Variants in ATP2B3 observed in about 807,000 individuals in gnomAD.
ATP2B3 encodes the protein ATPase plasma membrane Ca2+ transporting 3.
Under a neutral mutation model 70.8 loss-of-function variants are expected in ATP2B3, and 12 were observed. The ratio of observed to expected loss-of-function variants is 0.17; its 90% CI spans 0.11 to 0.27. ATP2B3 has a LOEUF of 0.27. ATP2B3 is among the 10% of genes least tolerant of loss of function. ATP2B3 has a pLI of 1.00. For missense variants in ATP2B3, 858 were observed against 1,118.5 expected (o/e 0.77, Z 3.32); for synonymous variants, 460 against 497.8 (o/e 0.92, Z 1.01).
intron 3 of ATP2B3, among the ~76,000 whole-genome samples, chrX:153,537,200 C>T (rs1050553329): frequency 1.8e-5 from 2 of 113,557 alleles, no homozygotes; most frequent in Admixed American, 9.2e-5. Flanking sequence ...CTGGTTGCTG[C>T]GGTCTGCCAT....
At chrX:153,542,299 G>A in intron 5 of ATP2B3, 24 bp from the exon 6 acceptor site, 1 of 1,210,170 alleles carries the variant, frequency 8.3e-7, no homozygotes, top group Non-Finnish European at 1.1e-6. Flanking sequence ...TGGGGAGAAA[G>A]GCCTCTGCTT....
At chrX:153,530,586 G>A (rs1394229082) in intron 2 of ATP2B3, among the ~76,000 whole-genome samples, 1 of 112,464 alleles carries the variant, frequency 8.9e-6, no homozygotes, top group Admixed American at 9.3e-5. Flanking sequence ...CCGGACAGGC[G>A]GTTGCTTTGG....
Position 153,548,609 on chromosome X carries a change from C to T in ATP2B3, c.1124-31C>T, listed in dbSNP as rs369313658. 1.3e-5 allele frequency: 15 copies of T among 1,175,256 alleles called. No individual in the cohort carries two copies. The African/African-American group carries it at 2.7e-4, about 21-fold the overall frequency. On this transcript the variant is annotated intron_variant, in intron 9 of 21. Transcript: ENST00000263519. ...CCCCTCCTTCCCTCACCCGTGGCAA[C>T]CCCTTTCGTCTCCTCCCCGCTCTGT... is the stretch of plus-strand genomic sequence containing the variant.
rs957213126 is a variant in ATP2B3, at chrX:153,537,235, G to A, written c.208+780G>A. ...TGAAGCGGGGACCCCCAGGAGCCAG[G>A]CCCAGCCCCAGATTCCAGGAGCCAC... On this transcript the variant is annotated intron_variant, in intron 3 of 21. Coordinates refer to ENST00000263519, the MANE Select transcript of ATP2B3 (RefSeq NM_001001344.3). Among the ~76,000 whole-genome samples the A allele has an allele frequency of 2.6e-5, 3 of 113,473 alleles. No individual in the cohort carries two copies. In the Admixed American group the frequency reaches 2.8e-4, roughly 10 times the overall value.
At chrX:153,552,329 G>T (rs1204590128) in intron 12 of ATP2B3, among the ~76,000 whole-genome samples, 5 of 112,145 alleles carry the variant, frequency 4.5e-5, no homozygotes, top group African/African-American at 1.6e-4. Flanking sequence ...CACAGCTTCT[G>T]TTATGATCAT....
At chrX:153,560,033 C>A in intron 18 of ATP2B3, 91 bp downstream of exon 18, 1 of 926,852 alleles carries the variant, frequency 1.1e-6, no homozygotes, top group Non-Finnish European at 1.5e-6. Flanking sequence ...CCACCTGTGT[C>A]TCCGCACCCA....
chrX:153,561,565 G>A (rs782493305), intron 19 of ATP2B3, among the ~76,000 whole-genome samples: 1 of 111,437 alleles, frequency 9.0e-6, no homozygotes, highest in African/African-American at 3.3e-5. Context: ...GTTCCCTCGG[G>A]GAGGAGCAGG....
At chrX:153,564,718 C>T (rs896396411) in intron 20 of ATP2B3, among the ~76,000 whole-genome samples, 8 of 113,436 alleles carry the variant, frequency 7.1e-5, no homozygotes, top group African/African-American at 2.2e-4. Flanking sequence ...CATCTCAGCC[C>T]CCCGGGGGAA....
At chrX:153,561,330 T>A (rs1191524977) in intron 19 of ATP2B3, among the ~76,000 whole-genome samples, 2 of 112,417 alleles carry the variant, frequency 1.8e-5, no homozygotes, top group African/African-American at 6.5e-5. Flanking sequence ...GACAGGCTGG[T>A]CAGCCCCACT....
intron 3 of ATP2B3, among the ~76,000 whole-genome samples, chrX:153,540,112 C>A (rs1346721339): frequency 8.9e-6 from 1 of 112,122 alleles, no homozygotes; most frequent in Non-Finnish European, 1.9e-5. Flanking sequence ...CTGTGCTCAC[C>A]GGGTCCTGTC....
chrX:153,540,044 G>A (rs1397241490), intron 3 of ATP2B3, among the ~76,000 whole-genome samples: 1 of 112,656 alleles, frequency 8.9e-6, no homozygotes, highest in African/African-American at 3.2e-5. Context: ...CCCTGGCTGA[G>A]GGATCAAAGT....
chrX:153,541,235 C>T lies in ATP2B3; in HGVS notation c.209-124C>T, dbSNP rs187059161. On this transcript the variant is annotated intron_variant, in intron 3 of 21. Transcript: ENST00000263519. ...GAGGGAGAGCCAGGCGCTGGCCAGA[C>T]GGCCCCAGAGGGCTGCTGCCACCCC... is the stretch of plus-strand genomic sequence containing the variant. The T allele has an allele frequency of 7.7e-4, 639 of 834,610 alleles. 3 individuals carry two copies. The African/African-American group carries it at 0.011, about 14-fold the overall frequency. 68.8% of individuals were successfully genotyped at this position (834,610 alleles called of 1,213,427 possible).
intron 20 of ATP2B3, among the ~76,000 whole-genome samples, chrX:153,564,137 A>G (rs1177021382): frequency 1.8e-5 from 2 of 112,176 alleles, no homozygotes; most frequent in African/African-American, 3.2e-5. Flanking sequence ...CTAGCCCCCA[A>G]TGCACAGGTC....
chrX:153,534,227 G>A (rs782468860), intron 2 of ATP2B3, among the ~76,000 whole-genome samples: 4 of 111,827 alleles, frequency 3.6e-5, no homozygotes, highest in Non-Finnish European at 5.7e-5. Flanking sequence ...AAGACGAGGA[G>A]TCCAGGTGAG....
chrX:153,524,680 C>A (rs2090005551), intron 2 of ATP2B3, among the ~76,000 whole-genome samples: 1 of 111,628 alleles, frequency 9.0e-6, no homozygotes, highest in Admixed American at 9.5e-5. Context: ...TGCAGTCAGA[C>A]CTGGTGCTGG....
At chrX:153,558,371 G>A in intron 17 of ATP2B3, 68 bp downstream of exon 17, 1 of 1,011,243 alleles carries the variant, frequency 9.9e-7, no homozygotes, top group East Asian at 3.2e-5. Context: ...CAGATTGTGA[G>A]AGTGAGGGTT....
rs1194878317 is a variant in ATP2B3 at position 153,541,450 on chromosome X, G to C, written c.300G>C (p.Gln100His). 1.7e-6 allele frequency: 2 copies of C among 1,210,483 alleles called. No homozygotes were observed. The highest frequency in any genetic ancestry group is 2.2e-6 in the Non-Finnish European group (2 of 895,352). Residue 100 changes from glutamine (Q) to histidine (H), a missense_variant, in exon 4 of 22, where the codon CAG becomes CAC. By Grantham distance (24) the Gln-to-His change is conservative. This residue lies in a region of ATP2B3 where 278 missense variants were observed against 366.2 expected (regional missense o/e 0.76). Coordinates refer to ENST00000263519, the MANE Select transcript of ATP2B3 (RefSeq NM_001001344.3). Reference protein sequence around the residue: ...IPPKQPKTFLQLVWEALQDVT... With the variant: ...IPPKQPKTFLHLVWEALQDVT... ...CAAAGCAACCCAAGACCTTCCTGCA[G>C]CTGGTGTGGGAGGCCCTGCAGGACG...
intron 1 of ATP2B3, among the ~76,000 whole-genome samples, chrX:153,518,131 G>A (rs1297006588): frequency 2.7e-5 from 3 of 112,449 alleles, no homozygotes; most frequent in Non-Finnish European, 3.8e-5. Flanking sequence ...CGCATCGCGC[G>A]CGCACGCGCA....
intron 21 of ATP2B3, among the ~76,000 whole-genome samples, chrX:153,571,796 A>G (rs1485053327): frequency 8.9e-6 from 1 of 112,410 alleles, no homozygotes; most frequent in Non-Finnish European, 1.9e-5. Context: ...TCCCTTGCAC[A>G]CTGTGTGCTC....
Sources: allele counts gnomAD v4.1 joint callset (sites outside exome capture counted in the v4.1 genomes callset), GRCh38; gene constraint gnomAD v4.1.1; regional missense constraint gnomAD v4.1.1; transcripts MANE v1.5; gene names NCBI Gene and HGNC (gene_info 2026-07-23, HGNC 2026-07-21).